RALGPS2: variants seen among roughly 807,000 people sequenced by gnomAD.
RALGPS2 encodes the protein Ral GEF with PH domain and SH3 binding motif 2.
Under a neutral mutation model 86.8 loss-of-function variants are expected in RALGPS2, and 43 were observed. That is an observed-to-expected ratio of 0.50 (90% CI 0.39 to 0.64). The LOEUF (loss-of-function observed/expected upper bound fraction) is 0.64, where lower values mean the gene tolerates loss of function less well. Ranked by LOEUF, RALGPS2 falls within the 30% of genes least tolerant of loss-of-function variation. The pLI is 0.00. For synonymous variants in RALGPS2, 243 were observed against 231.3 expected, an observed-to-expected ratio of 1.05 and a Z score of -0.46; for missense variants, 536 against 694.6, an observed-to-expected ratio of 0.77 and a Z score of 2.57.
At chr1:178,910,504 A>G (rs930598730) in intron 19 of RALGPS2, among the ~76,000 whole-genome samples, 6 of 152,116 alleles carry the variant, frequency 3.9e-5, no homozygotes, top group Non-Finnish European at 8.8e-5. Flanking sequence ...CCTTTTTTGC[A>G]TCTTTTGAGA....
intron 8 of RALGPS2, among the ~76,000 whole-genome samples, chr1:178,847,169 G>A (rs1312824624): frequency 6.6e-6 from 1 of 152,186 alleles, no homozygotes; most frequent in Non-Finnish European, 1.5e-5. Context: ...AAAGTGGCCG[G>A]GCATGGTGGC....
At chr1:178,785,769 A>G (rs1653622245) in intron 4 of RALGPS2, among the ~76,000 whole-genome samples, 162 bp downstream of exon 4, 1 of 152,034 alleles carries the variant, frequency 6.6e-6, no homozygotes. Flanking sequence ...CCCACGTGGC[A>G]TTCATAGCAA....
intron 3 of RALGPS2, among the ~76,000 whole-genome samples, chr1:178,785,313 A>C (rs1396267703): frequency 6.6e-6 from 1 of 151,912 alleles, no homozygotes; most frequent in Non-Finnish European, 1.5e-5. Flanking sequence ...TGACTGTCCA[A>C]ATTTTTAAAA....
At chr1:178,834,666 A>G (rs1256741415) in intron 8 of RALGPS2, among the ~76,000 whole-genome samples, 1 of 152,258 alleles carries the variant, frequency 6.6e-6, no homozygotes, top group Non-Finnish European at 1.5e-5. Flanking sequence ...TAAACAGCTT[A>G]GGATCATAGT....
At chr1:178,887,030 G>A (rs1264503373) in intron 13 of RALGPS2, among the ~76,000 whole-genome samples, 3 of 152,148 alleles carry the variant, frequency 2.0e-5, no homozygotes, top group African/African-American at 7.2e-5. Context: ...CTACTGTGAA[G>A]GAGAGCAGAA....
intron 5 of RALGPS2, among the ~76,000 whole-genome samples, chr1:178,809,689 G>A (rs988905905): frequency 6.6e-6 from 1 of 151,920 alleles, no homozygotes; most frequent in African/African-American, 2.4e-5. Flanking sequence ...GTCATTTGGG[G>A]AGCACGTACA....
At chr1:178,754,165 T>G (rs1321508764) in intron 1 of RALGPS2, among the ~76,000 whole-genome samples, 1 of 151,894 alleles carries the variant, frequency 6.6e-6, no homozygotes, top group African/African-American at 2.4e-5. Context: ...CTGTATAATT[T>G]GGGAGAATTT....
rs1244538856 is a variant in RALGPS2 at position 178,742,149 on chromosome 1, A to AAAG, written c.-84+16740_-84+16742dup. 5.2e-3 allele frequency among the ~76,000 whole-genome samples: 768 copies of AAAG among 148,794 alleles called. 10 individuals carry two copies. Among genetic ancestry groups the AAAG allele is most frequent in the African/African-American group, 0.018 (715 of 38,852 alleles). ...GATTCCGTCAAAAAAAAAAAAAAAAAAAGAAGAAGAAGCAGAAATGGTGAG... is the reference window on the plus strand; with the variant it reads ...GATTCCGTCAAAAAAAAAAAAAAAAAAAGAAGAAGAAGAAGCAGAAATGGTGAG... On this transcript the variant is annotated intron_variant, in intron 1 of 19. Transcript: ENST00000367635.
At chr1:178,893,877 G>T in intron 15 of RALGPS2, 42 bp from the exon 16 acceptor site, 1 of 1,317,862 alleles carries the variant, frequency 7.6e-7, no homozygotes. Context: ...GATGACTATT[G>T]TAGACAAAAG....
At chr1:178,816,865 C>G (rs1273581542) in intron 6 of RALGPS2, among the ~76,000 whole-genome samples, 1 of 151,718 alleles carries the variant, frequency 6.6e-6, no homozygotes, top group Admixed American at 6.6e-5. Context: ...TGCACCACCA[C>G]GCCCAGCTAA....
chr1:178,852,898 A>T (rs755486642), intron 8 of RALGPS2: 6 of 1,613,680 alleles, frequency 3.7e-6, no homozygotes, highest in Non-Finnish European at 5.1e-6. Context: ...ATTGCTAAGC[A>T]TATAGATATT....
At chr1:178,862,081 C>T (rs1425820213) in intron 8 of RALGPS2, among the ~76,000 whole-genome samples, 4 of 152,188 alleles carry the variant, frequency 2.6e-5, no homozygotes, top group East Asian at 1.9e-4. Context: ...CCATGTTGGC[C>T]AGGCTGGTCT....
chr1:178,889,732 T>A, intron 14 of RALGPS2, 36 bp downstream of exon 14: 1 of 1,472,748 alleles, frequency 6.8e-7, no homozygotes, highest in Non-Finnish European at 9.4e-7. Flanking sequence ...ACTTGGAGTT[T>A]ATTTTGTCTG....
intron 6 of RALGPS2, among the ~76,000 whole-genome samples, 165 bp downstream of exon 6, chr1:178,811,569 C>G (rs1406534482): frequency 6.6e-6 from 1 of 152,062 alleles, no homozygotes; most frequent in Admixed American, 6.5e-5. Flanking sequence ...TCTGCCTTTT[C>G]CTTTATTCTT....
At chr1:178,913,512 TG>T (rs1049927279) in intron 19 of RALGPS2, among the ~76,000 whole-genome samples, 2 of 152,338 alleles carry the variant, frequency 1.3e-5, no homozygotes, top group African/African-American at 4.8e-5. Context: ...GAACCATTGC[TG>T]GGAACCTATT....
chr1:178,817,908 C>G (rs1347029132), intron 6 of RALGPS2, among the ~76,000 whole-genome samples: 1 of 152,204 alleles, frequency 6.6e-6, no homozygotes, highest in East Asian at 1.9e-4. Flanking sequence ...GCTACATATG[C>G]AGTCGTGTTA....
intron 1 of RALGPS2, among the ~76,000 whole-genome samples, chr1:178,760,734 T>C (rs1358459974): frequency 6.6e-6 from 1 of 152,064 alleles, no homozygotes; most frequent in Non-Finnish European, 1.5e-5. Flanking sequence ...TTCCTTAGCA[T>C]TGACCTTCAA....
chr1:178,739,695 G>A (rs922374933), intron 1 of RALGPS2, among the ~76,000 whole-genome samples: 23 of 152,254 alleles, frequency 1.5e-4, no homozygotes, highest in Admixed American at 1.0e-3. Context: ...CTAACTTAGC[G>A]TGTCACTCTG....
At chr1:178,856,410 T>TTTTTTTTTTTTTTTTTTTTTTTTG (rs1657583449) in intron 8 of RALGPS2, among the ~76,000 whole-genome samples, 1 of 110,108 alleles carries the variant, frequency 9.1e-6, no homozygotes, top group Non-Finnish European at 1.8e-5. Context: ...TTTTTTTTTT[T>TTTTTTTTTTTTTTTTTTTTTTTTG]TTTTTTTTTT....
Sources: allele counts gnomAD v4.1 joint callset (sites outside exome capture counted in the v4.1 genomes callset), GRCh38; gene constraint gnomAD v4.1.1; transcripts MANE v1.5; gene names NCBI Gene and HGNC (gene_info 2026-07-23, HGNC 2026-07-21).